Variants in SPATS2 observed in about 807,000 individuals in gnomAD.
SPATS2 encodes spermatogenesis-associated serine-rich protein 2.
Under a neutral mutation model 63.7 loss-of-function variants are expected in SPATS2, and 38 were observed. That is an observed-to-expected ratio of 0.60 (90% CI 0.46 to 0.78). The LOEUF (loss-of-function observed/expected upper bound fraction) is 0.78, where lower values mean the gene tolerates loss of function less well. SPATS2 is among the 30% of genes least tolerant of loss of function. The pLI, the probability that SPATS2 is intolerant of heterozygous loss-of-function variation, is 0.00. For synonymous variants in SPATS2, 207 were observed against 232.9 expected, an observed-to-expected ratio of 0.89 and a Z score of 1.01; for missense variants, 588 against 666.2, an observed-to-expected ratio of 0.88 and a Z score of 1.29.
At chr12:49,514,154 CAAA>C (rs5798108) in intron 9 of SPATS2, among the ~76,000 whole-genome samples, 6 of 117,616 alleles carry the variant, frequency 5.1e-5, no homozygotes, top group Admixed American at 1.9e-4. Flanking sequence ...GACTCCGTCT[CAAA>C]AAAAAAAAAA....
At chr12:49,484,072 C>T (rs1722930695) in intron 3 of SPATS2, among the ~76,000 whole-genome samples, 2 of 152,260 alleles carry the variant, frequency 1.3e-5, no homozygotes, top group South Asian at 4.1e-4. Context: ...TTTTCCATAA[C>T]CTACAACTTG....
In SPATS2 at chr12:49,414,938, TTC is replaced by T. The variant is rs772394018; in HGVS notation, c.-244+43650_-244+43651del. 6.1e-5 allele frequency among the ~76,000 whole-genome samples: 9 copies of T among 147,904 alleles called. 1 individual carries two copies. The highest frequency in any genetic ancestry group is 1.3e-4 in the Admixed American group (2 of 15,040). ...TTCTTTTTCTTTTTTTCTTTTTCTT[TTC>T]TTTTTTTTTTTTTTTTGAGACAGAG... On this transcript the variant is annotated intron_variant, in intron 2 of 13. Coordinates refer to ENST00000552918, the MANE Select transcript of SPATS2 (RefSeq NM_023071.4).
intron 4 of SPATS2, chr12:49,486,457 C>T (rs1229822727): frequency 3.7e-6 from 1 of 270,132 alleles, no homozygotes; most frequent in Non-Finnish European, 7.4e-6. Context: ...CCTCGGCCTC[C>T]CAAAGTGCTG....
intron 2 of SPATS2, chr12:49,406,508 G>T: frequency 6.6e-6 from 1 of 152,300 alleles, no homozygotes; most frequent in South Asian, 2.0e-4. Context: ...CTCTGATTTT[G>T]AACTCCTGGC....
chr12:49,397,224 G>T (rs1944526628), intron 2 of SPATS2, among the ~76,000 whole-genome samples: 1 of 152,094 alleles, frequency 6.6e-6, no homozygotes, highest in African/African-American at 2.4e-5. Context: ...GTTTGTTTCA[G>T]GTTTCCTTCT....
At chr12:49,396,504 A>T (rs1044529813) in intron 2 of SPATS2, among the ~76,000 whole-genome samples, 1 of 152,174 alleles carries the variant, frequency 6.6e-6, no homozygotes, top group African/African-American at 2.4e-5. Flanking sequence ...TCCCTACTGC[A>T]TAGTTTCTCC....
intron 2 of SPATS2, among the ~76,000 whole-genome samples, chr12:49,457,655 A>T (rs1565731774): frequency 1.3e-5 from 2 of 151,550 alleles, no homozygotes; most frequent in Non-Finnish European, 2.9e-5. Flanking sequence ...CTGGTCTAGA[A>T]CTCCTGACCT....
At chr12:49,502,799 T>A (rs536304633) in intron 9 of SPATS2, among the ~76,000 whole-genome samples, 1 of 152,140 alleles carries the variant, frequency 6.6e-6, no homozygotes, top group Non-Finnish European at 1.5e-5. Flanking sequence ...CCTGCCAGAT[T>A]ACTCATTGTC....
At chr12:49,399,366 A>G (rs936010051) in intron 2 of SPATS2, among the ~76,000 whole-genome samples, 1 of 152,102 alleles carries the variant, frequency 6.6e-6, no homozygotes, top group Non-Finnish European at 1.5e-5. Flanking sequence ...TTCTGATTTC[A>G]TCAGTTGTAA....
intron 2 of SPATS2, among the ~76,000 whole-genome samples, chr12:49,382,709 TG>T (rs1944243883): frequency 6.6e-6 from 1 of 152,212 alleles, no homozygotes; most frequent in East Asian, 1.9e-4. Context: ...GTATTTTGTT[TG>T]TTTGTTTGTT....
chr12:49,382,303 G>A (rs1214551742), intron 2 of SPATS2, among the ~76,000 whole-genome samples: 1 of 152,234 alleles, frequency 6.6e-6, no homozygotes, highest in Admixed American at 6.5e-5. Context: ...TTTTAAAGCA[G>A]TGCATGCATG....
chr12:49,503,307 G>C (rs1437452539), intron 9 of SPATS2, among the ~76,000 whole-genome samples: 1 of 151,540 alleles, frequency 6.6e-6, no homozygotes, highest in Non-Finnish European at 1.5e-5. Flanking sequence ...CTGAGATCGC[G>C]CCATTGCACT....
At chr12:49,518,372 T>C (rs1378893788) in intron 10 of SPATS2, among the ~76,000 whole-genome samples, 1 of 152,192 alleles carries the variant, frequency 6.6e-6, no homozygotes, top group Non-Finnish European at 1.5e-5. Context: ...ATCCAAGTTA[T>C]ATATCAGAAA....
intron 2 of SPATS2, among the ~76,000 whole-genome samples, chr12:49,378,344 C>G (rs1944146922): frequency 6.6e-6 from 1 of 151,628 alleles, no homozygotes; most frequent in South Asian, 2.1e-4. Flanking sequence ...GTCACCCAGG[C>G]TGGAGTGCAG....
At chr12:49,396,605 G>A (rs1214182053) in intron 2 of SPATS2, among the ~76,000 whole-genome samples, 1 of 152,194 alleles carries the variant, frequency 6.6e-6, no homozygotes, top group Non-Finnish European at 1.5e-5. Flanking sequence ...CACATGTGTA[G>A]TATGAATTTA....
chr12:49,518,995 C>T, intron 10 of SPATS2, 78 bp from the exon 11 acceptor site: 1 of 1,193,006 alleles, frequency 8.4e-7, no homozygotes, highest in African/African-American at 1.5e-5. Context: ...CAAATACCTA[C>T]TGCAAGGCTT....
chr12:49,397,833 T>TAAAA (rs989085737), intron 2 of SPATS2, among the ~76,000 whole-genome samples: 2 of 82,334 alleles, frequency 2.4e-5, no homozygotes, highest in Admixed American at 3.0e-4. Flanking sequence ...CTTAGCTCTT[T>TAAAA]AAAAAAAAAA....
intron 2 of SPATS2, among the ~76,000 whole-genome samples, chr12:49,375,177 T>C (rs1189227726): frequency 7.4e-6 from 1 of 135,652 alleles, no homozygotes; most frequent in African/African-American, 3.2e-5. Flanking sequence ...TGTGTGTGTG[T>C]GTGTGTGTGT....
intron 4 of SPATS2, among the ~76,000 whole-genome samples, chr12:49,487,309 G>A (rs1363151218): frequency 6.6e-6 from 1 of 152,052 alleles, no homozygotes; most frequent in Non-Finnish European, 1.5e-5. Flanking sequence ...TGTCCAACAT[G>A]GTGAAACCCT....
Sources: allele counts gnomAD v4.1 joint callset (sites outside exome capture counted in the v4.1 genomes callset), GRCh38; gene constraint gnomAD v4.1.1; transcripts MANE v1.5; gene names NCBI Gene and HGNC (gene_info 2026-07-23, HGNC 2026-07-21).